Variants in CACNA1C observed in about 807,000 individuals in gnomAD.
CACNA1C encodes the protein voltage-dependent L-type calcium channel subunit alpha-1C.
CACNA1C carries 30 observed loss-of-function variants against 229.0 expected under a neutral mutation model. The observed-to-expected ratio is 0.13, with a 90% CI of 0.10 to 0.18. The LOEUF (loss-of-function observed/expected upper bound fraction) is 0.18. CACNA1C is among the 10% of genes least tolerant of loss of function. The pLI is 1.00. For missense variants in CACNA1C, 1,658 were observed against 2,845.0 expected, an observed-to-expected ratio of 0.58 and a Z score of 9.49; for synonymous variants, 1,114 against 1,132.5, an observed-to-expected ratio of 0.98 and a Z score of 0.33.
chr12:2,696,667 T>C lies in CACNA1C; in HGVS notation c.*5468T>C, dbSNP rs957704218. On this transcript the variant is annotated 3_prime_UTR_variant, in exon 47 of 47. Transcript: ENST00000399655. ...AAGTTTTAAGAGAGGGTCATTTCTATGTGAGGAAATGCAGAAATGGACAGA... is the reference window on the plus strand; with the variant it reads ...AAGTTTTAAGAGAGGGTCATTTCTACGTGAGGAAATGCAGAAATGGACAGA... 3.4e-4 allele frequency: 51 copies of C among 151,736 alleles called. No homozygotes were observed. Among genetic ancestry groups the C allele is most frequent in the African/African-American group, 9.2e-4 (38 of 41,284 alleles). The allele number at this position is 151,736 out of a possible 1,614,324, so 9.4% of individuals were successfully genotyped here.
At chr12:2,059,215 G>C (rs897592187) in intron 1 of CACNA1C, among the ~76,000 whole-genome samples, 1 of 152,112 alleles carries the variant, frequency 6.6e-6, no homozygotes, top group Non-Finnish European at 1.5e-5. Flanking sequence ...TGGAGCCTCC[G>C]AGAGCTGAGA....
At chr12:2,046,376 C>A (rs946886802) in intron 1 of CACNA1C, among the ~76,000 whole-genome samples, 3 of 152,096 alleles carry the variant, frequency 2.0e-5, no homozygotes, top group Non-Finnish European at 4.4e-5. Flanking sequence ...GGTGACTGAG[C>A]GCTTCCCTTG....
chr12:2,411,312 C>T (rs1412358495), intron 3 of CACNA1C, among the ~76,000 whole-genome samples: 2 of 152,084 alleles, frequency 1.3e-5, no homozygotes, highest in African/African-American at 2.4e-5. Context: ...TACTCAGTCA[C>T]GGGCAGAGTC....
chr12:2,636,325 G>A (rs1372520997), intron 30 of CACNA1C, among the ~76,000 whole-genome samples: 2 of 152,158 alleles, frequency 1.3e-5, no homozygotes, highest in African/African-American at 4.8e-5. Context: ...AGGCCCCATC[G>A]CTCAGTCTGC....
chr12:2,434,581 C>T (rs749956291), intron 3 of CACNA1C, among the ~76,000 whole-genome samples: 8 of 152,186 alleles, frequency 5.3e-5, no homozygotes, highest in Non-Finnish European at 8.8e-5. Context: ...GCTGCATGCA[C>T]GAAGGGGAGT....
intron 3 of CACNA1C, among the ~76,000 whole-genome samples, chr12:2,352,449 G>A (rs1158342377): frequency 6.6e-6 from 1 of 152,184 alleles, no homozygotes; most frequent in Non-Finnish European, 1.5e-5. Context: ...AAACGTGGTC[G>A]GGTTTGAAGA....
At position 2,250,609 on chromosome 12, in the gene CACNA1C, C is replaced by A. The variant is rs895928366; in HGVS notation, c.477+130179C>A. Among the ~76,000 whole-genome samples the A allele has an allele frequency of 2.0e-5, 3 of 152,158 alleles. No homozygotes were observed. The South Asian group carries it at 6.2e-4, about 32-fold the overall frequency. On this transcript the variant is annotated intron_variant, in intron 3 of 46. Coordinates refer to ENST00000399655, the MANE Select transcript of CACNA1C (RefSeq NM_000719.7). ...CTCCTCCAAGGCCATGCGTTAAATA[C>A]CCACTGAGCCAATGGAGCCCTGGTC...
chr12:2,426,599 T>C (rs1354637054), intron 3 of CACNA1C, among the ~76,000 whole-genome samples: 1 of 152,244 alleles, frequency 6.6e-6, no homozygotes, highest in East Asian at 1.9e-4. Context: ...CCCGGATACT[T>C]AGTGGCTTTA....
chr12:2,019,441 C>G (rs1415863717), intron 1 of CACNA1C, among the ~76,000 whole-genome samples: 2 of 117,300 alleles, frequency 1.7e-5, no homozygotes, highest in Non-Finnish European at 3.3e-5. Flanking sequence ...GCCTAGGCCA[C>G]AAAGCAAGAC....
chr12:2,074,946 A>G (rs1287458002), intron 1 of CACNA1C, among the ~76,000 whole-genome samples: 3 of 152,150 alleles, frequency 2.0e-5, no homozygotes, highest in Admixed American at 2.0e-4. Flanking sequence ...CAACACCCAC[A>G]TGGGGACCCG....
chr12:2,268,640 T>G (rs564945473), intron 3 of CACNA1C, among the ~76,000 whole-genome samples: 1 of 152,020 alleles, frequency 6.6e-6, no homozygotes, highest in African/African-American at 2.4e-5. Flanking sequence ...GGGACCCTAA[T>G]GGACAGAGGA....
At chr12:1,999,485 G>C (rs1162003016) in intron 1 of CACNA1C, among the ~76,000 whole-genome samples, 1 of 152,206 alleles carries the variant, frequency 6.6e-6, no homozygotes, top group Non-Finnish European at 1.5e-5. Flanking sequence ...GCTGAGGCAG[G>C]CAGGAGGATC....
intron 9 of CACNA1C, among the ~76,000 whole-genome samples, chr12:2,543,258 A>G (rs12322328): frequency 0.04 from 6,147 of 152,290 alleles, 359 homozygotes; most frequent in African/African-American, 0.14. Flanking sequence ...AGGATGTGCT[A>G]TTATGACATT....
At chr12:2,243,800 C>T (rs1300660337) in intron 3 of CACNA1C, among the ~76,000 whole-genome samples, 1 of 152,202 alleles carries the variant, frequency 6.6e-6, no homozygotes, top group Non-Finnish European at 1.5e-5. Context: ...CAATGCTGGG[C>T]ACTGAATTCC....
chr12:2,440,616 C>T (rs1054988264), intron 3 of CACNA1C, among the ~76,000 whole-genome samples: 4 of 152,214 alleles, frequency 2.6e-5, no homozygotes, highest in African/African-American at 7.2e-5. Context: ...AGGCTTTTAC[C>T]TGCCCAGCAG....
intron 3 of CACNA1C, among the ~76,000 whole-genome samples, chr12:2,420,111 G>GTGTGTGTGTGTGTGTGTA (rs2098962033): frequency 6.9e-6 from 1 of 145,520 alleles, no homozygotes; most frequent in Non-Finnish European, 1.5e-5. Context: ...TGGTGTGTGT[G>GTGTGTGTGTGTGTGTGTA]TGTGTGTGTG....
At chr12:2,574,194 C>T (rs868391737) in intron 13 of CACNA1C, among the ~76,000 whole-genome samples, 7 of 152,164 alleles carry the variant, frequency 4.6e-5, no homozygotes, top group African/African-American at 9.7e-5. Context: ...CACGCATGGC[C>T]GGAATCTTTG....
intron 3 of CACNA1C, among the ~76,000 whole-genome samples, chr12:2,339,965 G>C (rs914210534): frequency 6.6e-6 from 1 of 151,068 alleles, no homozygotes; most frequent in Non-Finnish European, 1.5e-5. Context: ...TTTTAAAAAA[G>C]AATCCTACTA....
At chr12:2,227,866 T>C (rs1394791197) in intron 3 of CACNA1C, among the ~76,000 whole-genome samples, 1 of 152,220 alleles carries the variant, frequency 6.6e-6, no homozygotes, top group Non-Finnish European at 1.5e-5. Context: ...ATCTTACAAC[T>C]TACAACTTTG....
Sources: allele counts gnomAD v4.1 joint callset (sites outside exome capture counted in the v4.1 genomes callset), GRCh38; gene constraint gnomAD v4.1.1; transcripts MANE v1.5; gene names NCBI Gene and HGNC (gene_info 2026-07-23, HGNC 2026-07-21).